Variants in PDLIM5 observed in about 807,000 individuals in gnomAD.
The protein encoded by PDLIM5 is PDZ and LIM domain protein 5.
In PDLIM5, 34 loss-of-function variants were observed where a neutral mutation model predicts 64.2. That is an observed-to-expected ratio of 0.53 (90% CI 0.40 to 0.71). The LOEUF (loss-of-function observed/expected upper bound fraction) is 0.71. Ranked by LOEUF, PDLIM5 falls within the 30% of genes least tolerant of loss-of-function variation. The pLI is 0.00. For missense variants in PDLIM5, 683 were observed against 733.6 expected, an observed-to-expected ratio of 0.93 and a Z score of 0.80; for synonymous variants, 253 against 269.1, an observed-to-expected ratio of 0.94 and a Z score of 0.59.
At chr4:94,518,880 C>T (rs562353107) in intron 2 of PDLIM5, among the ~76,000 whole-genome samples, 1 of 152,254 alleles carries the variant, frequency 6.6e-6, no homozygotes, top group South Asian at 2.1e-4. Context: ...TTCTTTGTTT[C>T]CCTGTTCTCT....
At chr4:94,587,455 T>G (rs1017165093) in intron 7 of PDLIM5, 1 of 947,630 alleles carries the variant, frequency 1.1e-6, no homozygotes, top group Admixed American at 6.0e-5. Flanking sequence ...CTTGTCTAAT[T>G]TGGAAAATAC....
intron 9 of PDLIM5, among the ~76,000 whole-genome samples, chr4:94,647,422 G>A (rs1373944294): frequency 6.6e-6 from 1 of 151,986 alleles, no homozygotes; most frequent in Non-Finnish European, 1.5e-5. Context: ...ATTTTATAAT[G>A]ATAAAAAGCT....
chr4:94,577,234 A>G, intron 5 of PDLIM5: 1 of 457,164 alleles, frequency 2.2e-6, no homozygotes, highest in Non-Finnish European at 4.4e-6. Flanking sequence ...ATATAATTAA[A>G]ATACTTGTGT....
chr4:94,527,506 T>C (rs1730481290), intron 3 of PDLIM5, among the ~76,000 whole-genome samples: 1 of 152,230 alleles, frequency 6.6e-6, no homozygotes, highest in South Asian at 2.1e-4. Context: ...TGCATGAATA[T>C]ATACTACTAT....
At chr4:94,602,143 G>A (rs1262100899) in intron 7 of PDLIM5, among the ~76,000 whole-genome samples, 2 of 152,062 alleles carry the variant, frequency 1.3e-5, no homozygotes, top group East Asian at 1.9e-4. Context: ...TTAATAAAAC[G>A]TATATTTCAA....
At chr4:94,523,534 AAAATAAACATTT>A (rs1730018515) in intron 2 of PDLIM5, among the ~76,000 whole-genome samples, 178 bp from the exon 3 acceptor site, 1 of 152,206 alleles carries the variant, frequency 6.6e-6, no homozygotes, top group Admixed American at 6.5e-5. Flanking sequence ...AGAATTTAAG[AAAATAAACATTT>A]AAATCATTTG....
chr4:94,604,737 G>C (rs1467405325), intron 7 of PDLIM5, among the ~76,000 whole-genome samples: 1 of 152,184 alleles, frequency 6.6e-6, no homozygotes, highest in African/African-American at 2.4e-5. Context: ...TGGGTATAGA[G>C]TTTCGAATAT....
chr4:94,553,552 A>G (rs1733003910), intron 3 of PDLIM5, among the ~76,000 whole-genome samples: 1 of 152,230 alleles, frequency 6.6e-6, no homozygotes, highest in Non-Finnish European at 1.5e-5. Flanking sequence ...GTAAATATTC[A>G]GTGCTGAGCC....
Position 94,573,344 on chromosome 4 carries a change from TC to T in PDLIM5, c.249-5del. ...TTTTTTTTCTTTTTCTTTCTTTTTT[TC>T]CTCAGAGCATCTGCTGCACCCAAGC... On this transcript the variant is annotated splice_region_variant and splice_polypyrimidine_tract_variant and intron_variant, in intron 3 of 12. Coordinates refer to ENST00000317968, the MANE Select transcript of PDLIM5 (RefSeq NM_006457.5). The T allele has an allele frequency of 6.2e-7, 1 of 1,605,478 alleles. No individual in the cohort carries two copies. Among genetic ancestry groups the T allele is most frequent in the Non-Finnish European group, 8.5e-7 (1 of 1,176,696 alleles).
intron 7 of PDLIM5, among the ~76,000 whole-genome samples, chr4:94,601,348 C>T (rs560582313): frequency 5.1e-4 from 78 of 152,272 alleles, no homozygotes; most frequent in Admixed American, 1.1e-3. Flanking sequence ...GTGACCTAAT[C>T]ATCTCCCAGA....
chr4:94,463,598 G>C (rs1317743878), intron 2 of PDLIM5, among the ~76,000 whole-genome samples: 1 of 152,116 alleles, frequency 6.6e-6, no homozygotes, highest in Non-Finnish European at 1.5e-5. Flanking sequence ...GGTGTGCCAG[G>C]TAGGTTAGGT....
rs547750664 is a variant in PDLIM5, at chr4:94,667,939, A to G, written c.*3872A>G. 6.6e-6 allele frequency: 1 copy of G among 152,278 alleles called. No individual in the cohort carries two copies. The highest frequency in any genetic ancestry group is 6.5e-5 in the Admixed American group (1 of 15,294). The allele number at this position is 152,278 out of a possible 1,614,324, so 9.4% of individuals were successfully genotyped here. A position where few individuals can be genotyped will look rare whatever the true frequency, so the allele number is the denominator to read the frequency against. ...TCCCCATTGAAGGGAGAGCCTTCTC[A>G]GACATGAAGCAAGGGAAACATACTG... is the stretch of plus-strand genomic sequence containing the variant. On this transcript the variant is annotated 3_prime_UTR_variant, in exon 13 of 13. Coordinates refer to ENST00000317968, the MANE Select transcript of PDLIM5 (RefSeq NM_006457.5).
At chr4:94,554,717 A>G (rs1733118114) in intron 3 of PDLIM5, among the ~76,000 whole-genome samples, 1 of 152,218 alleles carries the variant, frequency 6.6e-6, no homozygotes, top group South Asian at 2.1e-4. Flanking sequence ...GGTTTTATCA[A>G]TTGTTTTTAA....
intron 7 of PDLIM5, among the ~76,000 whole-genome samples, chr4:94,598,594 T>C (rs751527407): frequency 6.6e-6 from 1 of 152,120 alleles, no homozygotes. Context: ...GCATATATTA[T>C]ATATAATAAA....
chr4:94,533,283 T>A (rs1731050768), intron 3 of PDLIM5, among the ~76,000 whole-genome samples: 1 of 152,334 alleles, frequency 6.6e-6, no homozygotes, highest in South Asian at 2.1e-4. Context: ...ACTTTGACTT[T>A]ACATCTTGAA....
chr4:94,619,312 C>T (rs1578482113), intron 8 of PDLIM5, among the ~76,000 whole-genome samples: 1 of 151,962 alleles, frequency 6.6e-6, no homozygotes, highest in Non-Finnish European at 1.5e-5. Context: ...AGTCTGTCCC[C>T]CATACCTCCA....
intron 7 of PDLIM5, chr4:94,610,441 T>C: frequency 2.3e-6 from 1 of 444,062 alleles, no homozygotes; most frequent in Non-Finnish European, 3.9e-6. Flanking sequence ...GTGCATATTT[T>C]ATCTAGGTTG....
intron 5 of PDLIM5, among the ~76,000 whole-genome samples, chr4:94,582,056 A>G (rs571787151): frequency 4.6e-5 from 7 of 152,214 alleles, no homozygotes; most frequent in Non-Finnish European, 1.0e-4. Flanking sequence ...GTGATAGCTC[A>G]TTATTTATGA....
intron 4 of PDLIM5, among the ~76,000 whole-genome samples, chr4:94,574,994 G>GTT (rs1224485376): frequency 6.6e-5 from 9 of 136,452 alleles, no homozygotes; most frequent in Non-Finnish European, 6.4e-5. Context: ...CTTTTTTAAA[G>GTT]TTTTTTTTTT....
Sources: allele counts gnomAD v4.1 joint callset (sites outside exome capture counted in the v4.1 genomes callset), GRCh38; gene constraint gnomAD v4.1.1; transcripts MANE v1.5; gene names NCBI Gene and HGNC (gene_info 2026-07-23, HGNC 2026-07-21).